CTSC: variants seen among roughly 807,000 people sequenced by gnomAD.
CTSC encodes the protein cathepsin C.
A neutral mutation model predicts 40.9 loss-of-function variants in CTSC; 37 were observed. The ratio of observed to expected loss-of-function variants is 0.91; its 90% confidence interval spans 0.70 to 1.19. The LOEUF is 1.19. CTSC is among the 50% of genes most tolerant of loss of function. The pLI, the probability that CTSC is intolerant of heterozygous loss-of-function variation, is 0.00. For synonymous variants in CTSC, 232 were observed against 207.4 expected (o/e 1.12, Z -1.02); for missense variants, 594 against 567.3 (o/e 1.05, Z -0.48).
At chr11:88,327,033 C>G (rs1288306137) in intron 2 of CTSC, among the ~76,000 whole-genome samples, 1 of 152,044 alleles carries the variant, frequency 6.6e-6, no homozygotes, top group Non-Finnish European at 1.5e-5. Flanking sequence ...CCTAAGCTAC[C>G]ACCATACAAT....
intron 1 of CTSC, among the ~76,000 whole-genome samples, chr11:88,335,326 G>A (rs571539264): frequency 2.0e-5 from 3 of 152,116 alleles, no homozygotes; most frequent in South Asian, 2.1e-4. Flanking sequence ...AGTGGCTCAC[G>A]CCTGTAATCC....
At chr11:88,330,443 GGT>G (rs890311314) in intron 2 of CTSC, among the ~76,000 whole-genome samples, 2 of 151,896 alleles carry the variant, frequency 1.3e-5, no homozygotes, top group African/African-American at 4.8e-5. Flanking sequence ...CTGCCTCCTG[GGT>G]TCAAGCAATT....
At chr11:88,321,092 A>T (rs900807677) in intron 2 of CTSC, 1 of 938,194 alleles carries the variant, frequency 1.1e-6, no homozygotes, top group African/African-American at 1.8e-5. Flanking sequence ...CTCAGATAAA[A>T]GAACTCATTA....
At chr11:88,299,662 G>C (rs962471752) in intron 5 of CTSC, 2 of 152,134 alleles carry the variant, frequency 1.3e-5, no homozygotes, top group Admixed American at 1.3e-4. Flanking sequence ...GTTTATCTTT[G>C]GGTACTATAA....
intron 2 of CTSC, chr11:88,324,517 G>C (rs1014314464): frequency 3.1e-6 from 3 of 980,810 alleles, no homozygotes; most frequent in African/African-American, 1.8e-5. Flanking sequence ...TTAATTCTTT[G>C]TAAGTTGGTA....
chr11:88,320,643 T>C (rs995267659), intron 2 of CTSC, among the ~76,000 whole-genome samples: 1 of 152,202 alleles, frequency 6.6e-6, no homozygotes, highest in Non-Finnish European at 1.5e-5. Context: ...TTGGCCTCTA[T>C]AGGCTTACAC....
At chr11:88,337,417 G>A in intron 1 of CTSC, 84 bp downstream of exon 1, 3 of 1,376,722 alleles carry the variant, frequency 2.2e-6, no homozygotes, top group African/African-American at 1.4e-5. Flanking sequence ...TCTGCCTGGG[G>A]GGAAGCGGTA....
At chr11:88,326,638 G>A (rs533220606) in intron 2 of CTSC, among the ~76,000 whole-genome samples, 10 of 152,130 alleles carry the variant, frequency 6.6e-5, no homozygotes, top group African/African-American at 2.4e-4. Context: ...TAAGCAACAT[G>A]TACTGCACAT....
At chr11:88,303,330 G>A (rs367722479) in intron 4 of CTSC, among the ~76,000 whole-genome samples, 17 of 152,114 alleles carry the variant, frequency 1.1e-4, no homozygotes, top group East Asian at 7.7e-4. Flanking sequence ...TGAGGGCTCC[G>A]TCCCACAAAA....
At position 88,314,596 on chromosome 11, in the gene CTSC, C is replaced by CG. The variant is rs373250596; in HGVS notation, c.319-2043dup. On this transcript the variant is annotated intron_variant, in intron 2 of 6. Coordinates refer to ENST00000227266, the MANE Select transcript of CTSC (RefSeq NM_001814.6). ...AGGCTGGAGTACACTGGCGAGATGT[C>CG]GGCTCACTGCAACCTCCGCCTCCCA... 6.6e-3 allele frequency among the ~76,000 whole-genome samples: 1,012 copies of CG among 152,186 alleles called. 10 individuals are homozygous for CG. The highest frequency in any genetic ancestry group is 0.023 in the African/African-American group (962 of 41,522).
At chr11:88,298,245 T>C (rs1944319243) in intron 5 of CTSC, 1 of 152,208 alleles carries the variant, frequency 6.6e-6, no homozygotes, top group Non-Finnish European at 1.5e-5. Flanking sequence ...GACACTTCCC[T>C]TCTCTCTTAA....
At chr11:88,320,459 T>C (rs1409399883) in intron 2 of CTSC, among the ~76,000 whole-genome samples, 2 of 152,224 alleles carry the variant, frequency 1.3e-5, no homozygotes, top group Non-Finnish European at 2.9e-5. Flanking sequence ...CAGCTCATGT[T>C]CCTCACTATA....
chr11:88,302,834 G>A (rs1048050619), intron 4 of CTSC, among the ~76,000 whole-genome samples: 25 of 152,014 alleles, frequency 1.6e-4, no homozygotes, highest in Admixed American at 1.3e-3. Flanking sequence ...AGATAAATAT[G>A]AGATGGTCAT....
At chr11:88,330,363 T>TTTA (rs927481084) in intron 2 of CTSC, among the ~76,000 whole-genome samples, 44 of 151,958 alleles carry the variant, frequency 2.9e-4, no homozygotes, top group Non-Finnish European at 4.1e-4. Context: ...CTTTCATTTT[T>TTTA]TTATTATTAT....
intron 4 of CTSC, among the ~76,000 whole-genome samples, chr11:88,302,619 C>G (rs1471197200): frequency 2.5e-5 from 2 of 80,542 alleles, no homozygotes; most frequent in South Asian, 4.9e-4. Flanking sequence ...GAGCAAGACT[C>G]CGCCTCAAAA....
intron 5 of CTSC, 77 bp downstream of exon 5, chr11:88,300,453 G>T: frequency 1.1e-6 from 1 of 897,278 alleles, no homozygotes; most frequent in Non-Finnish European, 1.9e-6. Flanking sequence ...AGGTATCCCC[G>T]AAATCCATCA....
intron 2 of CTSC, chr11:88,328,055 G>A: frequency 1.9e-6 from 2 of 1,073,402 alleles, no homozygotes; most frequent in Middle Eastern, 2.0e-4. Context: ...TAAGCCATCA[G>A]GAAGTGAGGA....
chr11:88,309,252 A>C lies in CTSC; in HGVS notation c.552T>G (p.Ser184=), dbSNP rs1189865560. The change falls in exon 4 of 7, where the codon TCT becomes TCG. Residue 184 remains serine (S), a synonymous_variant. Transcript: ENST00000227266. ...FVKAINAIQK[S]WTATTYMEYE... ...ATTCCATGTATGTAGTTGCAGTCCA[A>C]GACTTCTGAATGGCATTGATAGCTT... The C allele has an allele frequency of 8.7e-6, 14 of 1,613,862 alleles. No individual in the cohort carries two copies. The highest frequency in any genetic ancestry group is 1.2e-5 in the Non-Finnish European group (14 of 1,179,750).
rs536066262 is a variant in CTSC, at chr11:88,299,055, T to C, written c.757+1475A>G. 11 of 152,314 alleles carry C rather than the reference T, an allele frequency of 7.2e-5. No individual in the cohort carries two copies. In the South Asian group the frequency reaches 2.3e-3, roughly 32 times the overall value. 9.4% of individuals were successfully genotyped at this position (152,314 alleles called of 1,614,324 possible). On this transcript the variant is annotated intron_variant, in intron 5 of 6. Coordinates refer to ENST00000227266, the MANE Select transcript of CTSC (RefSeq NM_001814.6). ...CTGTAAATCACTAGGACAAGGACTA[T>C]GTCATATTAGTCTTCATTTCCTCTG...
Sources: gnomAD v4.1 joint callset for allele counts (sites outside exome capture counted in the v4.1 genomes callset) on GRCh38, gnomAD v4.1.1 for gene constraint, MANE v1.5 for transcripts, NCBI Gene and HGNC (gene_info 2026-07-23, HGNC 2026-07-21) for gene names.